GNAT3: variants seen among roughly 807,000 people sequenced by gnomAD.
The protein encoded by GNAT3 is guanine nucleotide-binding protein G(t) subunit alpha-3.
Under a neutral mutation model 37.7 loss-of-function variants are expected in GNAT3, and 31 were observed. The ratio of observed to expected loss-of-function variants is 0.82; its 90% CI spans 0.62 to 1.11. The LOEUF (loss-of-function observed/expected upper bound fraction) is 1.11. GNAT3 is among the 50% of genes most tolerant of loss of function. GNAT3 has a pLI of 0.00. For synonymous variants in GNAT3, 138 were observed against 139.8 expected (o/e 0.99, Z 0.09); for missense variants, 437 against 412.5 (o/e 1.06, Z -0.51).
chr7:80,478,921 T>G lies in GNAT3; in HGVS notation c.381A>C (p.Ile127=). Residue 127 remains isoleucine (I), a synonymous_variant, in exon 4 of 8, where the codon ATA becomes ATC. Coordinates refer to ENST00000398291, the MANE Select transcript of GNAT3 (RefSeq NM_001102386.3). ...GGMTPQLAEV[I]KRLWRDPGIQ... ...TTCCTGGATCTCTCCACAGCCGTTTTATTACCTCAGCCAGTTGAGGTGTCA... is the reference window on the plus strand; with the variant it reads ...TTCCTGGATCTCTCCACAGCCGTTTGATTACCTCAGCCAGTTGAGGTGTCA... 2 of 1,613,384 alleles carry G rather than the reference T, an allele frequency of 1.2e-6. No homozygotes were observed. The highest frequency in any genetic ancestry group is 1.7e-6 in the Non-Finnish European group (2 of 1,179,514).
chr7:80,504,763 A>G (rs549498695), intron 1 of GNAT3, among the ~76,000 whole-genome samples: 57 of 152,370 alleles, frequency 3.7e-4, no homozygotes, highest in Admixed American at 1.6e-3. Flanking sequence ...GTGAAAATAT[A>G]AGAATACGTG....
chr7:80,495,710 G>C (rs1192459486), intron 1 of GNAT3, among the ~76,000 whole-genome samples: 1 of 152,004 alleles, frequency 6.6e-6, no homozygotes, highest in South Asian at 2.1e-4. Context: ...CTCGTGATCT[G>C]CCTGCCTTAG....
chr7:80,472,132 A>AT (rs910577604), intron 5 of GNAT3, among the ~76,000 whole-genome samples: 2 of 151,918 alleles, frequency 1.3e-5, no homozygotes, highest in Non-Finnish European at 1.5e-5. Flanking sequence ...TATATTGATA[A>AT]TTTTTTTTAA....
intron 1 of GNAT3, among the ~76,000 whole-genome samples, chr7:80,508,032 A>G (rs975037384): frequency 4.0e-4 from 61 of 152,096 alleles, no homozygotes; most frequent in African/African-American, 1.3e-3. Flanking sequence ...CTTACAATAT[A>G]GCACAAAGAA....
intron 2 of GNAT3, among the ~76,000 whole-genome samples, chr7:80,490,525 C>A (rs1383803517): frequency 6.6e-6 from 1 of 152,034 alleles, no homozygotes; most frequent in African/African-American, 2.4e-5. Flanking sequence ...ATCCCGGAAG[C>A]AGTGATAATC....
intron 1 of GNAT3, among the ~76,000 whole-genome samples, chr7:80,502,852 G>A (rs1055514716): frequency 3.6e-4 from 55 of 151,742 alleles, no homozygotes; most frequent in South Asian, 1.0e-3. Flanking sequence ...CTCATTTACC[G>A]TCCACATGCA....
chr7:80,499,556 A>C (rs1055746988), intron 1 of GNAT3, among the ~76,000 whole-genome samples: 2 of 152,306 alleles, frequency 1.3e-5, no homozygotes, highest in Middle Eastern at 3.4e-3. Context: ...CCTTGAAAGC[A>C]GTGTACTTTC....
At chr7:80,501,666 GTTATT>G (rs1338204693) in intron 1 of GNAT3, among the ~76,000 whole-genome samples, 1 of 151,294 alleles carries the variant, frequency 6.6e-6, no homozygotes, top group African/African-American at 2.4e-5. Flanking sequence ...TAATATTTTT[GTTATT>G]TTGTTTTGTT....
intron 4 of GNAT3, 140 bp downstream of exon 4, chr7:80,478,701 A>T: frequency 3.8e-6 from 3 of 790,476 alleles, no homozygotes; most frequent in Non-Finnish European, 3.9e-6. Flanking sequence ...ATTTCTCTTT[A>T]ATTGCTTTTT....
rs1471795570 is a variant in GNAT3 at position 80,497,557 on chromosome 7, TACATATAC to T, written c.119-2918_119-2911del. Among the ~76,000 whole-genome samples the T allele has an allele frequency of 8.6e-3, 1,110 of 129,204 alleles. 44 individuals carry two copies. Among genetic ancestry groups the T allele is most frequent in the African/African-American group, 0.029 (1,059 of 36,890 alleles). 84.8% of individuals were successfully genotyped at this position (129,204 alleles called of 152,430 possible). A position where few individuals can be genotyped will look rare whatever the true frequency, so the allele number is the denominator to read the frequency against. ...CTATATATATACACATATACGTATA[TACATATAC>T]GTATATACATATACGTATATACATA... On this transcript the variant is annotated intron_variant, in intron 1 of 7. Coordinates refer to ENST00000398291, the MANE Select transcript of GNAT3 (RefSeq NM_001102386.3).
intron 5 of GNAT3, 38 bp from the exon 6 acceptor site, chr7:80,462,669 AT>A (rs1790071231): frequency 6.4e-7 from 1 of 1,559,662 alleles, no homozygotes; most frequent in Non-Finnish European, 8.8e-7. Context: ...AATCTTGCAA[AT>A]ATCCTCCAAA....
Position 80,488,577 on chromosome 7 carries a change from G to C in GNAT3, c.261C>G (p.Ala87=). 6.2e-7 allele frequency: 1 copy of C among 1,600,474 alleles called. No individual in the cohort carries two copies. The highest frequency in any genetic ancestry group is 8.5e-7 in the Non-Finnish European group (1 of 1,172,264). ...TLQSILAIVK[A]MTTLGIDYVN... ...CATAATCAATTCCAAGGGTAGTCAT[G>C]GCTTTCACAATAGCTAGGATGGATT... The change falls in exon 3 of 8, where the codon GCC becomes GCG. Residue 87 remains alanine (A), a synonymous_variant. Coordinates refer to ENST00000398291, the MANE Select transcript of GNAT3 (RefSeq NM_001102386.3).
At chr7:80,463,149 C>T (rs1002002480) in intron 5 of GNAT3, among the ~76,000 whole-genome samples, 1 of 152,128 alleles carries the variant, frequency 6.6e-6, no homozygotes, top group Non-Finnish European at 1.5e-5. Context: ...CTTCGAAGAA[C>T]GTTCTGTCTT....
Position 80,483,220 on chromosome 7 carries a change from A to T in GNAT3, c.304-4222T>A, listed in dbSNP as rs182572774. Among the ~76,000 whole-genome samples the T allele has an allele frequency of 4.6e-5, 7 of 152,246 alleles. No individual in the cohort carries two copies. The East Asian group carries it at 1.4e-3, about 29-fold the overall frequency. ...ACGCAACTGTTCTGACTGCATTAAG[A>T]ATTTCTGGCAATATACAGTTGTTAT... On this transcript the variant is annotated intron_variant, in intron 3 of 7. Transcript: ENST00000398291.
chr7:80,493,678 C>T (rs1172705529), intron 2 of GNAT3, among the ~76,000 whole-genome samples: 3 of 137,754 alleles, frequency 2.2e-5, no homozygotes, highest in African/African-American at 5.9e-5. Context: ...CTCTTTCCTC[C>T]TCCTCCTCTT....
chr7:80,504,041 G>A (rs998737982), intron 1 of GNAT3, among the ~76,000 whole-genome samples: 1 of 152,102 alleles, frequency 6.6e-6, no homozygotes, highest in Non-Finnish European at 1.5e-5. Context: ...TATCGCTCAG[G>A]GTGGAGGCTC....
chr7:80,488,672 T>C lies in GNAT3; in HGVS notation c.166A>G (p.Ile56Val), dbSNP rs1266016354. ...KSTIVKQMKI[I>V]HKNGYSEQEC... ...TGCTCACTGTAACCATTCTTATGGA[T>C]GATCCTATAATTTAAACATGAAAAG... Residue 56 changes from isoleucine (I) to valine (V), a missense_variant, in exon 3 of 8, where the codon ATC (isoleucine) becomes GTC (valine). Transcript: ENST00000398291. 2.5e-6 allele frequency: 4 copies of C among 1,570,324 alleles called. No homozygotes were observed. In the Admixed American group the frequency reaches 5.5e-5, roughly 22 times the overall value.
At position 80,497,619 on chromosome 7, in the gene GNAT3, T is replaced by C. The variant is rs578224184; in HGVS notation, c.119-2972A>G. Among the ~76,000 whole-genome samples the C allele has an allele frequency of 1.1e-3, 131 of 117,848 alleles. 5 individuals carry two copies. Among genetic ancestry groups the C allele is most frequent in the African/African-American group, 5.5e-3 (124 of 22,450 alleles). The allele number at this position is 117,848 out of a possible 152,430, so 77.3% of individuals were successfully genotyped here. ...GTATATACATATACGTATATACATATACGTATATACATATACGTATATACA... is the reference window on the plus strand; with the variant it reads ...GTATATACATATACGTATATACATACACGTATATACATATACGTATATACA... On this transcript the variant is annotated intron_variant, in intron 1 of 7. Coordinates refer to ENST00000398291, the MANE Select transcript of GNAT3 (RefSeq NM_001102386.3).
At chr7:80,467,595 A>T (rs1249478421) in intron 5 of GNAT3, among the ~76,000 whole-genome samples, 1 of 152,116 alleles carries the variant, frequency 6.6e-6, no homozygotes, top group Non-Finnish European at 1.5e-5. Flanking sequence ...ATGGAATTGT[A>T]AAGTATTACT....
Sources: gnomAD v4.1 joint callset for allele counts (sites outside exome capture counted in the v4.1 genomes callset) on GRCh38, gnomAD v4.1.1 for gene constraint, MANE v1.5 for transcripts, NCBI Gene and HGNC (gene_info 2026-07-23, HGNC 2026-07-21) for gene names.